CRACR2A: variants seen among roughly 807,000 people sequenced by gnomAD.
CRACR2A encodes EF-hand calcium-binding domain-containing protein 4B.
Under a neutral mutation model 90.5 loss-of-function variants are expected in CRACR2A, and 79 were observed. The ratio of observed to expected loss-of-function variants is 0.87; its 90% CI spans 0.73 to 1.05. CRACR2A has a LOEUF of 1.05. Among genes scored for constraint, CRACR2A ranks in the 50% least tolerant of loss-of-function variants. CRACR2A has a pLI of 0.00. For synonymous variants in CRACR2A, 338 were observed against 356.7 expected (o/e 0.95, Z 0.59); for missense variants, 823 against 897.2 (o/e 0.92, Z 1.06).
At chr12:3,747,241 C>G (rs990166989) in intron 1 of CRACR2A, among the ~76,000 whole-genome samples, 1 of 152,154 alleles carries the variant, frequency 6.6e-6, no homozygotes, top group African/African-American at 2.4e-5. Context: ...AGGAAGATGG[C>G]TTCCTCATCT....
chr12:3,666,354 T>TGC (rs1421875304), intron 7 of CRACR2A, among the ~76,000 whole-genome samples: 17 of 145,052 alleles, frequency 1.2e-4, no homozygotes, highest in Non-Finnish European at 1.5e-4. Context: ...TGTGTGTGTG[T>TGC]GCGTGCGTGT....
At chr12:3,697,584 C>T (rs1945763450) in intron 3 of CRACR2A, among the ~76,000 whole-genome samples, 1 of 152,202 alleles carries the variant, frequency 6.6e-6, no homozygotes, top group African/African-American at 2.4e-5. Context: ...CTTGTATGAT[C>T]TCAGTCCCAC....
At position 3,746,785 on chromosome 12, in the gene CRACR2A, CACA is replaced by C. The variant is rs760251934; in HGVS notation, c.-387+6227_-387+6229del. Among the ~76,000 whole-genome samples, 1 of 152,168 alleles carries C rather than the reference CACA, an allele frequency of 6.6e-6. No homozygotes were observed. The highest frequency in any genetic ancestry group is 1.9e-4 in the East Asian group (1 of 5,188). Reference sequence around the variant, plus strand: ...CTGGAGAATTTCAATCCAAGACAAGCACAACAAGTTGTGAAGGACCAACAAGGG... The same window carrying C: ...CTGGAGAATTTCAATCCAAGACAAGCACAAGTTGTGAAGGACCAACAAGGG... On this transcript the variant is annotated intron_variant, in intron 1 of 19. Transcript: ENST00000440314. This position sits in a 1 kb window ranked among gnomAD's most constrained non-coding sequence, Gnocchi z 4.4.
At chr12:3,637,165 G>A (rs1944469918) in intron 14 of CRACR2A, among the ~76,000 whole-genome samples, 1 of 152,236 alleles carries the variant, frequency 6.6e-6, no homozygotes, top group African/African-American at 2.4e-5. Context: ...ACACTGAAGG[G>A]AGGAGCAGGC....
intron 7 of CRACR2A, among the ~76,000 whole-genome samples, chr12:3,667,269 A>G (rs1051508032): frequency 1.3e-5 from 2 of 152,218 alleles, no homozygotes; most frequent in Non-Finnish European, 2.9e-5. Context: ...CTTGGGTCCC[A>G]TGGTTCCATT....
At chr12:3,654,435 T>C (rs371005342) in intron 9 of CRACR2A, 36 bp from the exon 10 acceptor site, 940 of 1,545,464 alleles carry the variant, frequency 6.1e-4, no homozygotes, top group Admixed American at 1.2e-3. Context: ...GAATGAGGAG[T>C]GACCACCATT....
intron 15 of CRACR2A, among the ~76,000 whole-genome samples, chr12:3,630,974 G>A (rs541869475): frequency 2.6e-5 from 4 of 152,350 alleles, no homozygotes; most frequent in Admixed American, 6.5e-5. Flanking sequence ...TGCTGTAGCC[G>A]CTGCCCTTGA....
chr12:3,720,754 C>T (rs150132811), intron 2 of CRACR2A, among the ~76,000 whole-genome samples: 18 of 152,336 alleles, frequency 1.2e-4, no homozygotes, highest in East Asian at 5.8e-4. Context: ...TTTAATCTAA[C>T]CAGAGTATTT....
At chr12:3,671,382 G>A (rs1945239724) in intron 7 of CRACR2A, among the ~76,000 whole-genome samples, 1 of 152,116 alleles carries the variant, frequency 6.6e-6, no homozygotes, top group Non-Finnish European at 1.5e-5. Flanking sequence ...TTATTTTATA[G>A]ATAGGAAAAC....
chr12:3,747,780 C>G (rs1946647965), intron 1 of CRACR2A, among the ~76,000 whole-genome samples: 1 of 152,210 alleles, frequency 6.6e-6, no homozygotes, highest in Non-Finnish European at 1.5e-5. Flanking sequence ...CCCGCTGGTT[C>G]CAGCTTGTCC....
chr12:3,714,542 C>G (rs528275915), intron 2 of CRACR2A, among the ~76,000 whole-genome samples: 2 of 152,258 alleles, frequency 1.3e-5, no homozygotes, highest in East Asian at 1.9e-4. Flanking sequence ...GTCTTGCCCC[C>G]ACTGCTGACA....
intron 3 of CRACR2A, 145 bp from the exon 4 acceptor site, chr12:3,697,180 G>T (rs1945755748): frequency 1.9e-6 from 2 of 1,028,518 alleles, no homozygotes; most frequent in East Asian, 2.6e-5. Flanking sequence ...ATTAGCAAAA[G>T]CTCAGGACAA....
intron 9 of CRACR2A, among the ~76,000 whole-genome samples, chr12:3,655,604 C>CTA (rs1379335448): frequency 6.6e-6 from 1 of 152,218 alleles, no homozygotes; most frequent in Admixed American, 6.5e-5. Context: ...GGAGCCCTTG[C>CTA]TAAGCAGTGG....
chr12:3,718,745 C>T (rs1946115054), intron 2 of CRACR2A, among the ~76,000 whole-genome samples: 1 of 152,158 alleles, frequency 6.6e-6, no homozygotes, highest in African/African-American at 2.4e-5. Flanking sequence ...ATACAAGTGG[C>T]TCATGTTGCA....
intron 3 of CRACR2A, among the ~76,000 whole-genome samples, chr12:3,701,358 G>A (rs1335929395): frequency 5.3e-5 from 8 of 151,646 alleles, no homozygotes; most frequent in East Asian, 1.9e-4. Context: ...AATAAGGATC[G>A]GAGAAGAAAA....
At chr12:3,617,233 T>C (rs1191027789) in intron 18 of CRACR2A, among the ~76,000 whole-genome samples, 1 of 152,106 alleles carries the variant, frequency 6.6e-6, no homozygotes, top group Non-Finnish European at 1.5e-5. Flanking sequence ...TCTGTAACCA[T>C]CTCCCAGGTG....
Position 3,746,398 on chromosome 12 carries a change from C to T in CRACR2A, c.-387+6617G>A, listed in dbSNP as rs1946626844. 6.6e-6 allele frequency among the ~76,000 whole-genome samples: 1 copy of T among 151,678 alleles called. No homozygotes were observed. Among genetic ancestry groups the T allele is most frequent in the Admixed American group, 6.6e-5 (1 of 15,226 alleles). On this transcript the variant is annotated intron_variant, in intron 1 of 19. Transcript: ENST00000440314. This position sits in a 1 kb window ranked among gnomAD's most constrained non-coding sequence, Gnocchi z 4.4. ...CCCCATCTCTCTCTCCTCCCTCTTC[C>T]CCACCCTTCCTCCACCCTCCCTCTC...
chr12:3,696,950 T>A lies in CRACR2A; in HGVS notation c.50A>T (p.Gln17Leu). 1 of 1,613,712 alleles carries A rather than the reference T, an allele frequency of 6.2e-7. No homozygotes were observed. Among genetic ancestry groups the A allele is most frequent in the South Asian group, 1.1e-5 (1 of 91,062 alleles). The change falls in exon 4 of 20, where the codon CAG (glutamine) becomes CTG (leucine). Residue 17 changes from glutamine (Q) to leucine (L), a missense_variant. Coordinates refer to ENST00000440314, the MANE Select transcript of CRACR2A (RefSeq NM_001144958.2). ...RVVSRPQRLGQGSGQGPKGSG... is the reference protein window; with the variant it reads ...RVVSRPQRLGLGSGQGPKGSG... Reference sequence around the variant, plus strand: ...CCCCTTTGGCCCCTGGCCAGACCCCTGACCAAGTCTCTGGGGTCTGGAGAC... The same window carrying A: ...CCCCTTTGGCCCCTGGCCAGACCCCAGACCAAGTCTCTGGGGTCTGGAGAC...
intron 1 of CRACR2A, among the ~76,000 whole-genome samples, chr12:3,737,632 TAA>T (rs1441404514): frequency 6.6e-6 from 1 of 151,912 alleles, no homozygotes; most frequent in Non-Finnish European, 1.5e-5. Context: ...TAGGTGCAGG[TAA>T]AGAGATTCTA....
Sources: gnomAD v4.1 joint callset for allele counts (sites outside exome capture counted in the v4.1 genomes callset) on GRCh38, gnomAD v4.1.1 for gene constraint, Gnocchi (gnomAD v3.1) non-coding constraint, MANE v1.5 for transcripts, NCBI Gene and HGNC (gene_info 2026-07-23, HGNC 2026-07-21) for gene names.